KATNA1: variants seen among roughly 807,000 people sequenced by gnomAD.
The protein encoded by KATNA1 is katanin p60 ATPase-containing subunit A1.
KATNA1 carries 42 observed loss-of-function variants against 62.6 expected under a neutral mutation model. The ratio of observed to expected loss-of-function variants is 0.67; its 90% CI spans 0.52 to 0.87. KATNA1 has a LOEUF of 0.87. Ranked by LOEUF, KATNA1 falls within the 40% of genes least tolerant of loss-of-function variation. KATNA1 has a pLI of 0.00. For synonymous variants in KATNA1, 186 were observed against 201.9 expected, an observed-to-expected ratio of 0.92 and a Z score of 0.67; for missense variants, 498 against 612.5, an observed-to-expected ratio of 0.81 and a Z score of 1.97.
intron 4 of KATNA1, among the ~76,000 whole-genome samples, chr6:149,609,586 C>T (rs185250357): frequency 4.0e-5 from 6 of 151,706 alleles, no homozygotes; most frequent in Admixed American, 6.6e-5. Context: ...GGGTGGGTCA[C>T]GAAGTCAGGA....
intron 4 of KATNA1, among the ~76,000 whole-genome samples, chr6:149,611,718 G>C (rs1427343053): frequency 1.3e-5 from 2 of 152,138 alleles, no homozygotes; most frequent in African/African-American, 4.8e-5. Flanking sequence ...TAAGGAATAT[G>C]GCCAGGCATG....
intron 7 of KATNA1, among the ~76,000 whole-genome samples, chr6:149,598,551 C>A (rs993599961): frequency 2.0e-5 from 3 of 151,466 alleles, no homozygotes; most frequent in Non-Finnish European, 4.4e-5. Flanking sequence ...AGCAAGACTC[C>A]ATCTCTACAG....
At chr6:149,645,753 T>C (rs1431895138) in intron 1 of KATNA1, among the ~76,000 whole-genome samples, 1 of 152,190 alleles carries the variant, frequency 6.6e-6, no homozygotes, top group East Asian at 1.9e-4. Context: ...GTAAGCAAGA[T>C]GCAATGTGAA....
At chr6:149,598,064 C>T (rs1778395646) in intron 8 of KATNA1, 160 bp downstream of exon 8, 1 of 694,958 alleles carries the variant, frequency 1.4e-6, no homozygotes, top group South Asian at 2.1e-5. Context: ...ATTACTATCA[C>T]TATCAGGAAC....
intron 4 of KATNA1, among the ~76,000 whole-genome samples, chr6:149,618,797 C>G (rs948675868): frequency 6.6e-6 from 1 of 152,128 alleles, no homozygotes; most frequent in East Asian, 1.9e-4. Flanking sequence ...AGGAGCTAGA[C>G]CCCCTAACTC....
chr6:149,598,480 T>C, intron 7 of KATNA1, 130 bp from the exon 8 acceptor site: 1 of 820,570 alleles, frequency 1.2e-6, no homozygotes, highest in African/African-American at 1.7e-5. Context: ...ATCCCAACAC[T>C]GGGAGGGTGA....
chr6:149,631,128 G>A (rs1028200782), intron 3 of KATNA1, among the ~76,000 whole-genome samples: 3 of 152,168 alleles, frequency 2.0e-5, no homozygotes, highest in African/African-American at 7.2e-5. Flanking sequence ...GGCCGGGTGT[G>A]GTGGCTCACG....
At chr6:149,617,915 G>A (rs1013442462) in intron 4 of KATNA1, among the ~76,000 whole-genome samples, 1 of 135,778 alleles carries the variant, frequency 7.4e-6, no homozygotes, top group Non-Finnish European at 1.5e-5. Context: ...CAGCCAGGGT[G>A]ACAGAGTGAA....
Position 149,598,336 on chromosome 6 carries a change from A to C in KATNA1, c.903T>G (p.Ser301=), listed in dbSNP as rs368394579. The C allele has an allele frequency of 1.9e-6, 3 of 1,613,936 alleles. No individual in the cohort carries two copies. Among genetic ancestry groups the C allele is most frequent in the Non-Finnish European group, 2.5e-6 (3 of 1,179,888 alleles). ...RLLFEMARFY[S]PATIFIDEID... ...TCTCATCAATAAATATGGTGGCTGG[A>C]GAATAAAATCGAGCCTAAAGGAAGA... The change falls in exon 8 of 11, where the codon TCT becomes TCG. Residue 301 remains serine (S), a synonymous_variant. Coordinates refer to ENST00000367411, the MANE Select transcript of KATNA1 (RefSeq NM_007044.4).
chr6:149,633,957 C>CAAAT (rs1046643645), intron 2 of KATNA1, among the ~76,000 whole-genome samples: 15 of 149,116 alleles, frequency 1.0e-4, no homozygotes, highest in East Asian at 8.1e-4. Flanking sequence ...AACTCCGGCT[C>CAAAT]AAATAAATAA....
intron 8 of KATNA1, 70 bp downstream of exon 8, chr6:149,598,151 TGAC>T: frequency 1.9e-6 from 3 of 1,544,726 alleles, no homozygotes; most frequent in Non-Finnish European, 2.7e-6. Context: ...GAGTAAAGTT[TGAC>T]CCACTGGAAC....
chr6:149,627,492 C>T (rs1050135433), intron 3 of KATNA1, among the ~76,000 whole-genome samples: 9 of 141,518 alleles, frequency 6.4e-5, no homozygotes, highest in Non-Finnish European at 1.2e-4. Flanking sequence ...TACACCACTG[C>T]ATTCCAGCCT....
At position 149,610,358 on chromosome 6, in the gene KATNA1, C is replaced by T. The variant is rs147697626; in HGVS notation, c.502-5576G>A. On this transcript the variant is annotated intron_variant, in intron 4 of 10. Coordinates refer to ENST00000367411, the MANE Select transcript of KATNA1 (RefSeq NM_007044.4). ...CAATAACACCACCATCCAAAGGATCCGACAGACATTTATAGAAAATTCCAC... is the reference window on the plus strand; with the variant it reads ...CAATAACACCACCATCCAAAGGATCTGACAGACATTTATAGAAAATTCCAC... 6.0e-3 allele frequency among the ~76,000 whole-genome samples: 905 copies of T among 151,522 alleles called. 4 individuals carry two copies. The highest frequency in any genetic ancestry group is 0.027 in the Middle Eastern group (8 of 294).
At chr6:149,631,184 G>A (rs1779818329) in intron 3 of KATNA1, among the ~76,000 whole-genome samples, 1 of 152,128 alleles carries the variant, frequency 6.6e-6, no homozygotes, top group South Asian at 2.1e-4. Flanking sequence ...TGAATCACGA[G>A]GTCAGGAGTT....
At position 149,594,994 on chromosome 6, in the gene KATNA1, C is replaced by A; in HGVS notation, c.*42G>T. 1 of 1,496,984 alleles carries A rather than the reference C, an allele frequency of 6.7e-7. No individual in the cohort carries two copies. Among genetic ancestry groups the A allele is most frequent in the South Asian group, 1.1e-5 (1 of 87,068 alleles). The allele number at this position is 1,496,984 out of a possible 1,614,324, so 92.7% of individuals were successfully genotyped here. A position where few individuals can be genotyped will look rare whatever the true frequency, so the allele number is the denominator to read the frequency against. On this transcript the variant is annotated 3_prime_UTR_variant, in exon 11 of 11. Transcript: ENST00000367411. Reference sequence around the variant, plus strand: ...ACAATGAATTACTGCATTTAATATTCAAACACTTAAGGCACATTTCTCACA... The same window carrying A: ...ACAATGAATTACTGCATTTAATATTAAAACACTTAAGGCACATTTCTCACA...
intron 1 of KATNA1, among the ~76,000 whole-genome samples, chr6:149,645,037 T>A (rs1780428606): frequency 6.6e-6 from 1 of 152,168 alleles, no homozygotes; most frequent in Non-Finnish European, 1.5e-5. Context: ...TTTATGAAAT[T>A]ATCCCAATTT....
At chr6:149,602,940 C>T (rs1023197608) in intron 6 of KATNA1, among the ~76,000 whole-genome samples, 1 of 151,930 alleles carries the variant, frequency 6.6e-6, no homozygotes, top group Non-Finnish European at 1.5e-5. Flanking sequence ...AGGCTGGTCT[C>T]GAACTCCTGA....
chr6:149,616,364 C>T lies in KATNA1; in HGVS notation c.501+6739G>A, dbSNP rs192030845. 1.7e-4 allele frequency among the ~76,000 whole-genome samples: 26 copies of T among 152,146 alleles called. No homozygotes were observed. In the East Asian group the frequency reaches 5.0e-3, roughly 29 times the overall value. ...TTACATGGTTATTATCAAAGAAACC[C>T]GAAAATAACAAGCATTGATGAGGAT... On this transcript the variant is annotated intron_variant, in intron 4 of 10. Coordinates refer to ENST00000367411, the MANE Select transcript of KATNA1 (RefSeq NM_007044.4).
intron 4 of KATNA1, among the ~76,000 whole-genome samples, chr6:149,616,924 T>C (rs947344476): frequency 6.6e-6 from 1 of 152,002 alleles, no homozygotes; most frequent in Non-Finnish European, 1.5e-5. Flanking sequence ...CATCAACAAA[T>C]GAATGATAAA....
Sources: allele counts gnomAD v4.1 joint callset (sites outside exome capture counted in the v4.1 genomes callset), GRCh38; gene constraint gnomAD v4.1.1; transcripts MANE v1.5; gene names NCBI Gene and HGNC (gene_info 2026-07-23, HGNC 2026-07-21).